The following CLIP2 variants were observed in gnomAD, a reference collection of about 807,000 sequenced individuals.
The protein encoded by CLIP2 is CAP-Gly domain containing linker protein 2.
CLIP2 carries 41 observed loss-of-function variants against 111.7 expected under a neutral mutation model. The observed-to-expected ratio is 0.37, with a 90% CI of 0.29 to 0.48. The LOEUF is 0.48. Ranked by LOEUF, CLIP2 falls within the 20% of genes least tolerant of loss-of-function variation. The pLI is 0.99. For synonymous variants in CLIP2, 660 were observed against 644.2 expected (o/e 1.02, Z -0.37); for missense variants, 1,160 against 1,422.1 (o/e 0.82, Z 2.96).
Position 74,378,461 on chromosome 7 carries a change from T to TGG in CLIP2, c.2421+1641_2421+1642dup, listed in dbSNP as rs1476965491. On this transcript the variant is annotated intron_variant, in intron 10 of 16. Coordinates refer to ENST00000223398, the MANE Select transcript of CLIP2 (RefSeq NM_003388.5). ...GTATATTCAAACCAGAATTTAGGGG[T>TGG]GGGTGTGGTGGCTCACACCTATAAT... Among the ~76,000 whole-genome samples, 7 of 151,970 alleles carry TGG rather than the reference T, an allele frequency of 4.6e-5. No homozygotes were observed. The East Asian group carries it at 9.7e-4, about 21-fold the overall frequency.
intron 1 of CLIP2, among the ~76,000 whole-genome samples, chr7:74,300,547 C>A (rs1788307912): frequency 6.6e-6 from 1 of 152,034 alleles, no homozygotes; most frequent in Non-Finnish European, 1.5e-5. Flanking sequence ...ACTCCGCCTC[C>A]CAGGTTCACG....
chr7:74,304,344 T>C (rs970717630), intron 1 of CLIP2, among the ~76,000 whole-genome samples: 1 of 151,444 alleles, frequency 6.6e-6, no homozygotes, highest in Non-Finnish European at 1.5e-5. Context: ...CTGGCCAACA[T>C]AGTGAAACCT....
At chr7:74,343,481 A>G (rs1247065320) in intron 3 of CLIP2, among the ~76,000 whole-genome samples, 1 of 152,060 alleles carries the variant, frequency 6.6e-6, no homozygotes, top group Non-Finnish European at 1.5e-5. Flanking sequence ...AGTCACTTAC[A>G]GAGCCTCATC....
Position 74,338,521 on chromosome 7 carries a change from C to G in CLIP2, c.195C>G (p.Gly65=), listed in dbSNP as rs1554732596. The change falls in exon 3 of 17, where the codon GGC becomes GGG. Residue 65 remains glycine, a synonymous_variant. Coordinates refer to ENST00000223398, the MANE Select transcript of CLIP2 (RefSeq NM_003388.5). This position sits in a 1 kb window ranked among gnomAD's most constrained non-coding sequence, Gnocchi z 4.3. The stretch of plus-strand genomic sequence containing the variant: ...CAGCTGCTGCCCCCGAGAAGCCGGG[C>G]CCCAAGGCGGCGGAAGTGGGGGATG... The part of the protein sequence containing the change: ...PAAAAAPEKP[G]PKAAEVGDDF... 7.5e-6 allele frequency: 12 copies of G among 1,608,756 alleles called. No homozygotes were observed. Among genetic ancestry groups the G allele is most frequent in the Non-Finnish European group, 1.0e-5 (12 of 1,178,230 alleles).
Position 74,318,661 on chromosome 7 carries a change from C to T in CLIP2, c.121+994C>T, listed in dbSNP as rs535959885. 4.6e-5 allele frequency among the ~76,000 whole-genome samples: 7 copies of T among 151,706 alleles called. No homozygotes were observed. In the East Asian group the frequency reaches 1.2e-3, roughly 25 times the overall value. On this transcript the variant is annotated intron_variant, in intron 2 of 16. Coordinates refer to ENST00000223398, the MANE Select transcript of CLIP2 (RefSeq NM_003388.5). ...TCAAGAGGAGGAGGTTGCAGTGAGCCGAGATCACACCACTGCACTCCAGCC... is the reference window on the plus strand; with the variant it reads ...TCAAGAGGAGGAGGTTGCAGTGAGCTGAGATCACACCACTGCACTCCAGCC...
At chr7:74,349,468 G>GTATGTATATATATATATATATA (rs1385137051) in intron 3 of CLIP2, among the ~76,000 whole-genome samples, 2 of 61,778 alleles carry the variant, frequency 3.2e-5, no homozygotes, top group South Asian at 1.5e-3. Context: ...GTGTGTGTGT[G>GTATGTATATATATATATATATA]TGTATATATA....
intron 3 of CLIP2, among the ~76,000 whole-genome samples, chr7:74,352,491 A>C (rs1215340307): frequency 6.6e-6 from 1 of 151,718 alleles, no homozygotes; most frequent in Non-Finnish European, 1.5e-5. Context: ...AAAGATAGTT[A>C]TTTATAGGAA....
Position 74,319,456 on chromosome 7 carries a change from C to T in CLIP2, c.121+1789C>T, listed in dbSNP as rs560419823. Among the ~76,000 whole-genome samples the T allele has an allele frequency of 3.3e-5, 5 of 152,038 alleles. No homozygotes were observed. In the South Asian group the frequency reaches 6.2e-4, roughly 19 times the overall value. ...TTAGGAGGCGGAGGCTACAGTGAGC[C>T]GAGCTCATGCCACTGTACTCCAGCC... is the stretch of plus-strand genomic sequence containing the variant. On this transcript the variant is annotated intron_variant, in intron 2 of 16. Coordinates refer to ENST00000223398, the MANE Select transcript of CLIP2 (RefSeq NM_003388.5).
At chr7:74,319,622 A>G (rs1554729714) in intron 2 of CLIP2, among the ~76,000 whole-genome samples, 1 of 151,914 alleles carries the variant, frequency 6.6e-6, no homozygotes, top group Admixed American at 6.6e-5. Context: ...GTTCCAGACC[A>G]GCCTGGGGAA....
intron 1 of CLIP2, among the ~76,000 whole-genome samples, chr7:74,299,264 G>A (rs971240607): frequency 1.3e-5 from 2 of 152,082 alleles, no homozygotes; most frequent in Non-Finnish European, 2.9e-5. Flanking sequence ...GTTTGAGGCT[G>A]CAGTGAGCTG....
intron 12 of CLIP2, 192 bp from the exon 13 acceptor site, chr7:74,388,911 G>T: frequency 1.9e-6 from 1 of 531,178 alleles, no homozygotes; most frequent in Non-Finnish European, 3.2e-6. Context: ...AGCTATAATT[G>T]TGCCACTGTA....
intron 2 of CLIP2, among the ~76,000 whole-genome samples, chr7:74,325,598 G>A (rs782759039): frequency 4.3e-4 from 65 of 152,294 alleles, no homozygotes; most frequent in Non-Finnish European, 7.2e-4. Flanking sequence ...TTGAGAGGCC[G>A]ACGCAGGTGG....
intron 6 of CLIP2, among the ~76,000 whole-genome samples, chr7:74,359,520 ATG>A (rs1404849524): frequency 2.0e-5 from 3 of 150,848 alleles, no homozygotes; most frequent in East Asian, 2.0e-4. Flanking sequence ...CGCCCAGCTA[ATG>A]TTTTTTGTAT....
intron 13 of CLIP2, among the ~76,000 whole-genome samples, chr7:74,394,721 A>G (rs1339359288): frequency 2.6e-4 from 39 of 152,226 alleles, no homozygotes; most frequent in Admixed American, 2.6e-3. Context: ...CAGGAGGGAA[A>G]CAGATGCGAT....
chr7:74,357,609 C>G, intron 6 of CLIP2, 132 bp downstream of exon 6: 1 of 760,354 alleles, frequency 1.3e-6, no homozygotes, highest in Non-Finnish European at 2.1e-6. Context: ...ACCTGTCCCC[C>G]GCTTTCCAGA....
chr7:74,404,018 G>C lies in CLIP2; in HGVS notation c.*170G>C. On this transcript the variant is annotated 3_prime_UTR_variant, in exon 17 of 17. Transcript: ENST00000223398. The stretch of plus-strand genomic sequence containing the variant: ...AATCCCCCACCCCGATCCCTCGCCA[G>C]ACCAGGACGCTTCCTCAAGCCCAGC... The C allele has an allele frequency of 2.8e-6, 2 of 722,560 alleles. No individual in the cohort carries two copies. The highest frequency in any genetic ancestry group is 3.1e-5 in the South Asian group (2 of 65,530). 44.8% of individuals were successfully genotyped at this position (722,560 alleles called of 1,614,324 possible).
Position 74,401,619 on chromosome 7 carries a change from T to G in CLIP2, c.3129+52T>G, listed in dbSNP as rs781913370. ...TCCCTCCCGTGCAGGCAGACCTCTC[T>G]GGAGAAAATCCTTGAAACGTCACTA... On this transcript the variant is annotated intron_variant, in intron 16 of 16. Coordinates refer to ENST00000223398, the MANE Select transcript of CLIP2 (RefSeq NM_003388.5). The G allele has an allele frequency of 5.1e-6, 8 of 1,554,072 alleles. No individual in the cohort carries two copies. The African/African-American group carries it at 1.1e-4, about 21-fold the overall frequency.
At chr7:74,399,155 G>A (rs550061234) in intron 14 of CLIP2, among the ~76,000 whole-genome samples, 48 of 46,684 alleles carry the variant, frequency 1.0e-3, no homozygotes, top group African/African-American at 3.6e-3. Flanking sequence ...GGAGGCTGGC[G>A]GGCCTTGGGG....
intron 2 of CLIP2, among the ~76,000 whole-genome samples, chr7:74,333,930 G>A (rs1434924447): frequency 6.6e-5 from 10 of 152,234 alleles, no homozygotes; most frequent in African/African-American, 2.2e-4. Context: ...CCTTTGGCCT[G>A]CGAGGATATG....
Sources: gnomAD v4.1 joint callset for allele counts (sites outside exome capture counted in the v4.1 genomes callset) on GRCh38, gnomAD v4.1.1 for gene constraint, Gnocchi (gnomAD v3.1) non-coding constraint, MANE v1.5 for transcripts, NCBI Gene and HGNC (gene_info 2026-07-23, HGNC 2026-07-21) for gene names.